Variants in ATXN2 observed in about 807,000 individuals in gnomAD.
The protein encoded by ATXN2 is ataxin 2.
A neutral mutation model predicts 138.6 loss-of-function variants in ATXN2; 37 were observed. The ratio of observed to expected loss-of-function variants is 0.27; its 90% CI spans 0.21 to 0.35. The LOEUF (loss-of-function observed/expected upper bound fraction) is 0.35. Ranked by LOEUF, ATXN2 falls within the 10% of genes least tolerant of loss-of-function variation. The probability of loss-of-function intolerance (pLI) is 1.00; values close to 1 mark genes in which losing one functional copy is unlikely to be tolerated. For missense variants in ATXN2, 1,216 were observed against 1,480.3 expected (o/e 0.82, Z 2.93); for synonymous variants, 549 against 543.7 (o/e 1.01, Z -0.13).
intron 14 of ATXN2, among the ~76,000 whole-genome samples, chr12:111,501,374 G>C (rs1878749892): frequency 6.6e-6 from 1 of 152,192 alleles, no homozygotes; most frequent in Admixed American, 6.5e-5. Context: ...AACAAAAACA[G>C]AACCTAAGCC....
intron 21 of ATXN2, among the ~76,000 whole-genome samples, chr12:111,459,022 C>G (rs935253591): frequency 1.3e-5 from 2 of 152,238 alleles, no homozygotes; most frequent in African/African-American, 4.8e-5. Context: ...GCCAATGCCA[C>G]AGCTGGCATT....
chr12:111,519,857 C>A (rs192076517), intron 8 of ATXN2, 22 bp downstream of exon 8: 1,033 of 1,614,112 alleles, frequency 6.4e-4, no homozygotes, highest in Non-Finnish European at 7.9e-4. Context: ...CAAAATACTG[C>A]ATCATGATTT....
intron 18 of ATXN2, among the ~76,000 whole-genome samples, chr12:111,479,415 AAG>A (rs1223908590): frequency 2.1e-5 from 3 of 145,736 alleles, no homozygotes; most frequent in Admixed American, 6.7e-5. Context: ...AAAAAAAAAA[AAG>A]AGAGAGAGAC....
chr12:111,532,957 C>G lies in ATXN2; in HGVS notation c.572-7641G>C, dbSNP rs567995268. 3.9e-5 allele frequency among the ~76,000 whole-genome samples: 6 copies of G among 152,118 alleles called. No homozygotes were observed. The East Asian group carries it at 1.2e-3, about 29-fold the overall frequency. ...AGCCCCCCAGTGGGACTTTCTCCAG[C>G]CACACCCAGCAGGCTGGATTAGGAG... On this transcript the variant is annotated intron_variant, in intron 5 of 24. Coordinates refer to ENST00000673436, the MANE Select transcript of ATXN2 (RefSeq NM_001372574.1).
chr12:111,547,119 C>T (rs1881837032), intron 5 of ATXN2, among the ~76,000 whole-genome samples: 1 of 152,168 alleles, frequency 6.6e-6, no homozygotes, highest in Admixed American at 6.6e-5. Flanking sequence ...TCACACTGAC[C>T]TTACTCATGT....
chr12:111,596,445 A>C (rs746365532), intron 1 of ATXN2, among the ~76,000 whole-genome samples: 39 of 152,166 alleles, frequency 2.6e-4, no homozygotes, highest in Non-Finnish European at 4.6e-4. Flanking sequence ...ACTTTCAAGC[A>C]TATTTTGCTA....
intron 1 of ATXN2, among the ~76,000 whole-genome samples, chr12:111,573,988 T>C (rs549221531): frequency 2.6e-5 from 4 of 151,760 alleles, no homozygotes; most frequent in African/African-American, 9.6e-5. Context: ...GACATTCTTA[T>C]ATATTTCCTT....
chr12:111,496,609 T>A (rs753361323), intron 14 of ATXN2, among the ~76,000 whole-genome samples: 2 of 151,798 alleles, frequency 1.3e-5, no homozygotes, highest in Non-Finnish European at 2.9e-5. Context: ...TACAAATACA[T>A]GAAAATTAAG....
At chr12:111,577,297 G>T (rs183632683) in intron 1 of ATXN2, among the ~76,000 whole-genome samples, 1 of 151,714 alleles carries the variant, frequency 6.6e-6, no homozygotes, top group Non-Finnish European at 1.5e-5. Context: ...ACAGAGTCTC[G>T]CTCTGTTGCC....
At chr12:111,528,269 G>T (rs147252581) in intron 5 of ATXN2, among the ~76,000 whole-genome samples, 1 of 152,118 alleles carries the variant, frequency 6.6e-6, no homozygotes, top group Admixed American at 6.5e-5. Flanking sequence ...TCACTACAGG[G>T]TATGTGTGTG....
intron 14 of ATXN2, among the ~76,000 whole-genome samples, chr12:111,502,393 T>C (rs1397397429): frequency 6.6e-6 from 1 of 152,188 alleles, no homozygotes; most frequent in Admixed American, 6.6e-5. Context: ...ATTTCCTCTC[T>C]GCACTATACT....
intron 6 of ATXN2, 116 bp downstream of exon 6, chr12:111,525,076 G>A: frequency 7.5e-7 from 1 of 1,326,376 alleles, no homozygotes; most frequent in South Asian, 1.6e-5. Flanking sequence ...CAAACCTGCT[G>A]CTCTAAATAC....
chr12:111,513,690 T>C, intron 10 of ATXN2, 151 bp from the exon 11 acceptor site: 1 of 610,990 alleles, frequency 1.6e-6, no homozygotes, highest in Non-Finnish European at 2.4e-6. Flanking sequence ...AAAAACACCA[T>C]ACATATTTTT....
chr12:111,592,914 CACA>C (rs141156220), intron 1 of ATXN2, among the ~76,000 whole-genome samples: 4,578 of 148,546 alleles, frequency 0.031, 250 homozygotes, highest in African/African-American at 0.11. Flanking sequence ...CAACTATTTA[CACA>C]ACATCAAAAT....
chr12:111,572,197 C>T (rs1220076287), intron 1 of ATXN2, among the ~76,000 whole-genome samples: 2 of 151,600 alleles, frequency 1.3e-5, no homozygotes, highest in African/African-American at 2.4e-5. Context: ...GTCAGGAGTT[C>T]GAGACCAGCC....
At chr12:111,461,052 T>C (rs1395560833) in intron 21 of ATXN2, 1 of 152,250 alleles carries the variant, frequency 6.6e-6, no homozygotes, top group African/African-American at 2.4e-5. Context: ...ATATGTATCA[T>C]ACGTTGTAAA....
chr12:111,558,087 G>A (rs898500340), intron 1 of ATXN2, among the ~76,000 whole-genome samples: 2 of 152,008 alleles, frequency 1.3e-5, no homozygotes, highest in African/African-American at 2.4e-5. Flanking sequence ...TCAAAAGAAC[G>A]AATCATTCAA....
At chr12:111,526,036 A>C (rs1405121727) in intron 5 of ATXN2, among the ~76,000 whole-genome samples, 1 of 151,972 alleles carries the variant, frequency 6.6e-6, no homozygotes, top group Admixed American at 6.6e-5. Context: ...TATTACAGGT[A>C]ATTACTCTGC....
At chr12:111,532,686 C>G (rs909374567) in intron 5 of ATXN2, among the ~76,000 whole-genome samples, 3 of 152,064 alleles carry the variant, frequency 2.0e-5, no homozygotes, top group African/African-American at 4.8e-5. Context: ...CCAAGGTCAT[C>G]AATGCCCTGA....
Sources: gnomAD v4.1 joint callset for allele counts (sites outside exome capture counted in the v4.1 genomes callset) on GRCh38, gnomAD v4.1.1 for gene constraint, MANE v1.5 for transcripts, NCBI Gene and HGNC (gene_info 2026-07-23, HGNC 2026-07-21) for gene names.